REEP3: variants seen among roughly 807,000 people sequenced by gnomAD.
REEP3 encodes the protein receptor accessory protein 3.
A neutral mutation model predicts 41.3 loss-of-function variants in REEP3; 20 were observed. That is an observed-to-expected ratio of 0.48 (90% CI 0.34 to 0.70). The LOEUF (loss-of-function observed/expected upper bound fraction) is 0.70, where lower values mean the gene tolerates loss of function less well. Ranked by LOEUF, REEP3 falls within the 30% of genes least tolerant of loss-of-function variation. The pLI is 0.01. For synonymous variants in REEP3, 104 were observed against 101.8 expected (o/e 1.02, Z -0.13); for missense variants, 271 against 308.8 (o/e 0.88, Z 0.92).
At chr10:63,559,461 G>A (rs532984766) in intron 1 of REEP3, among the ~76,000 whole-genome samples, 2 of 151,874 alleles carry the variant, frequency 1.3e-5, no homozygotes, top group African/African-American at 4.8e-5. Flanking sequence ...TACATTCTTG[G>A]TAGTAATATG....
chr10:63,594,170 G>C (rs1344816425), intron 2 of REEP3, among the ~76,000 whole-genome samples: 1 of 151,242 alleles, frequency 6.6e-6, no homozygotes, highest in African/African-American at 2.4e-5. Flanking sequence ...TTGAGCCCAA[G>C]GAGTCCGATA....
chr10:63,587,139 A>T (rs1474335339), intron 2 of REEP3, among the ~76,000 whole-genome samples: 9 of 152,204 alleles, frequency 5.9e-5, no homozygotes, highest in Non-Finnish European at 1.0e-4. Context: ...CTGAATGCAG[A>T]TGATAGCTAA....
chr10:63,537,954 C>T lies in REEP3; in HGVS notation c.32+16377C>T, dbSNP rs1301538845. On this transcript the variant is annotated intron_variant, in intron 1 of 7. Transcript: ENST00000373758. ...TAGATAGCCACTTAAAAGCTTTCTTCCCCCCCCGACCCCCATTGATTTCTT... is the reference window on the plus strand; with the variant it reads ...TAGATAGCCACTTAAAAGCTTTCTTTCCCCCCCGACCCCCATTGATTTCTT... 6.7e-5 allele frequency among the ~76,000 whole-genome samples: 9 copies of T among 135,138 alleles called. No homozygotes were observed. The East Asian group carries it at 1.9e-3, about 29-fold the overall frequency. 88.7% of individuals were successfully genotyped at this position (135,138 alleles called of 152,430 possible). A position where few individuals can be genotyped will look rare whatever the true frequency, so the allele number is the denominator to read the frequency against.
intron 1 of REEP3, among the ~76,000 whole-genome samples, chr10:63,564,049 T>A (rs10733793): frequency 6.6e-6 from 1 of 151,888 alleles, no homozygotes; most frequent in South Asian, 2.1e-4. Context: ...AGGTAAAAAC[T>A]AAGGAAACCT....
chr10:63,582,815 C>A (rs1351505115), intron 2 of REEP3, among the ~76,000 whole-genome samples: 1 of 152,130 alleles, frequency 6.6e-6, no homozygotes, highest in Non-Finnish European at 1.5e-5. Flanking sequence ...CCCTCTTTAC[C>A]CATGTATCCT....
rs1473036755 is a variant in REEP3, at chr10:63,621,353, T to C, written c.*484T>C. 6.6e-6 allele frequency: 1 copy of C among 152,622 alleles called. No homozygotes were observed. The highest frequency in any genetic ancestry group is 2.4e-5 in the African/African-American group (1 of 41,466). The allele number at this position is 152,622 out of a possible 1,614,324, so 9.5% of individuals were successfully genotyped here. ...TTTATATATTCTTTAAATTTTTACTTATATAATACTTTCTAGTTTTTCCAC... is the reference window on the plus strand; with the variant it reads ...TTTATATATTCTTTAAATTTTTACTCATATAATACTTTCTAGTTTTTCCAC... On this transcript the variant is annotated 3_prime_UTR_variant, in exon 8 of 8. Transcript: ENST00000373758.
At chr10:63,590,691 T>G (rs1386282218) in intron 2 of REEP3, among the ~76,000 whole-genome samples, 1 of 152,146 alleles carries the variant, frequency 6.6e-6, no homozygotes, top group East Asian at 1.9e-4. Context: ...ATGGGGGACT[T>G]GTAGATTGAC....
At chr10:63,537,824 G>C (rs1024935050) in intron 1 of REEP3, among the ~76,000 whole-genome samples, 3 of 152,148 alleles carry the variant, frequency 2.0e-5, no homozygotes, top group African/African-American at 7.2e-5. Flanking sequence ...CGCCAGGCAG[G>C]CTGTCTCTTG....
At chr10:63,521,690 C>G in intron 1 of REEP3, 113 bp downstream of exon 1, 1 of 723,964 alleles carries the variant, frequency 1.4e-6, no homozygotes, top group South Asian at 4.6e-5. Flanking sequence ...ACGGGGTAGC[C>G]CGGCCTCGGG....
intron 2 of REEP3, among the ~76,000 whole-genome samples, chr10:63,581,749 A>C (rs981519537): frequency 1.3e-5 from 2 of 152,078 alleles, no homozygotes; most frequent in Non-Finnish European, 2.9e-5. Context: ...TATTTAAAAA[A>C]AAAAAAAACT....
At chr10:63,557,082 C>A (rs1032175174) in intron 1 of REEP3, among the ~76,000 whole-genome samples, 2 of 152,138 alleles carry the variant, frequency 1.3e-5, no homozygotes, top group Admixed American at 1.3e-4. Context: ...TTTCCCTTGG[C>A]TAAAACCCAT....
rs369563936 is a variant in REEP3, at chr10:63,528,135, C to G, written c.32+6558C>G. On this transcript the variant is annotated intron_variant, in intron 1 of 7. Transcript: ENST00000373758. ...AAGGATTCCCATTAATTTACATCTC[C>G]AACCCAGATCTCTCTGCTGAACTCT... Among the ~76,000 whole-genome samples the G allele has an allele frequency of 7.2e-5, 11 of 152,232 alleles. No individual in the cohort carries two copies. In the East Asian group the frequency reaches 2.1e-3, roughly 29 times the overall value.
chr10:63,621,069 G>A lies in REEP3; in HGVS notation c.*200G>A, dbSNP rs1399882546. 6.7e-6 allele frequency: 3 copies of A among 446,198 alleles called. No individual in the cohort carries two copies. The highest frequency in any genetic ancestry group is 8.0e-6 in the Non-Finnish European group (2 of 249,770). 27.6% of individuals were successfully genotyped at this position (446,198 alleles called of 1,614,324 possible). On this transcript the variant is annotated 3_prime_UTR_variant, in exon 8 of 8. Coordinates refer to ENST00000373758, the MANE Select transcript of REEP3 (RefSeq NM_001001330.3). ...TTGACTACTAAAGGCAGTTCTGCAA[G>A]ATGTACTAAATATGTATATTAGAAA... is the stretch of plus-strand genomic sequence containing the variant.
At chr10:63,602,405 AT>A (rs1235042725) in intron 5 of REEP3, among the ~76,000 whole-genome samples, 1 of 152,174 alleles carries the variant, frequency 6.6e-6, no homozygotes, top group African/African-American at 2.4e-5. Flanking sequence ...AGCATTTTTG[AT>A]TTTGCAAATC....
Position 63,621,202 on chromosome 10 carries a change from G to A in REEP3, c.*333G>A, listed in dbSNP as rs1956350942. The A allele has an allele frequency of 5.4e-6, 1 of 184,786 alleles. No homozygotes were observed. The highest frequency in any genetic ancestry group is 1.1e-5 in the Non-Finnish European group (1 of 88,656). The allele number at this position is 184,786 out of a possible 1,614,324, so 11.4% of individuals were successfully genotyped here. On this transcript the variant is annotated 3_prime_UTR_variant, in exon 8 of 8. Coordinates refer to ENST00000373758, the MANE Select transcript of REEP3 (RefSeq NM_001001330.3). The stretch of plus-strand genomic sequence containing the variant: ...TATACTTGAAAGGAGCCTTTTTACG[G>A]TTCAGGATAAATCAGCCTTTGTGAT...
intron 7 of REEP3, 118 bp downstream of exon 7, chr10:63,619,918 ATT>A (rs71463534): frequency 0.097 from 23,983 of 246,770 alleles, 1 homozygote; most frequent in South Asian, 0.12. Context: ...CAGCAGTTTG[ATT>A]TTTTTTTTTT....
intron 5 of REEP3, among the ~76,000 whole-genome samples, chr10:63,607,146 A>G (rs759363441): frequency 1.3e-5 from 2 of 152,216 alleles, no homozygotes; most frequent in Non-Finnish European, 2.9e-5. Context: ...TAATGTTTTC[A>G]AAGTCCACAA....
chr10:63,570,947 T>C (rs1366616303), intron 2 of REEP3, among the ~76,000 whole-genome samples: 2 of 152,134 alleles, frequency 1.3e-5, no homozygotes, highest in African/African-American at 4.8e-5. Context: ...AAACCCCATC[T>C]CTACAAAAAA....
At chr10:63,564,128 A>G (rs1270972862) in intron 1 of REEP3, among the ~76,000 whole-genome samples, 1 of 152,222 alleles carries the variant, frequency 6.6e-6, no homozygotes, top group Non-Finnish European at 1.5e-5. Flanking sequence ...TAAGTGTACC[A>G]TGCCAATATA....
Sources: allele counts gnomAD v4.1 joint callset (sites outside exome capture counted in the v4.1 genomes callset), GRCh38; gene constraint gnomAD v4.1.1; transcripts MANE v1.5; gene names NCBI Gene and HGNC (gene_info 2026-07-23, HGNC 2026-07-21).